The following SCHIP1 variants were observed in gnomAD, a reference collection of about 807,000 sequenced individuals.
SCHIP1 encodes schwannomin interacting protein 1, also known as schwannomin-interacting protein 1.
A neutral mutation model predicts 29.7 loss-of-function variants in SCHIP1; 8 were observed. The observed-to-expected ratio is 0.27, with a 90% CI of 0.16 to 0.49. SCHIP1 has a LOEUF of 0.49. Ranked by LOEUF, SCHIP1 falls within the 20% of genes least tolerant of loss-of-function variation. SCHIP1 has a pLI of 0.99. For synonymous variants in SCHIP1, 76 were observed against 94.9 expected, an observed-to-expected ratio of 0.80 and a Z score of 1.16; for missense variants, 193 against 294.6, an observed-to-expected ratio of 0.66 and a Z score of 2.52.
the SCHIP1 span, among the ~76,000 whole-genome samples, chr3:159,399,595 T>G: frequency 1.3e-5 from 2 of 152,132 alleles, no homozygotes; most frequent in Admixed American, 6.5e-5. Flanking sequence ...TCAATCACTC[T>G]CTCCCCTGCA....
At chr3:159,616,552 C>G in the SCHIP1 span, among the ~76,000 whole-genome samples, 1 of 152,160 alleles carries the variant, frequency 6.6e-6, no homozygotes, top group Admixed American at 6.5e-5. Flanking sequence ...TCTTTCAGGA[C>G]CTCCAGGACT....
chr3:159,385,849 C>T, the SCHIP1 span, among the ~76,000 whole-genome samples: 4 of 152,108 alleles, frequency 2.6e-5, no homozygotes, highest in Non-Finnish European at 5.9e-5. Context: ...TCCCCTAGCC[C>T]CCCATCCCCT....
chr3:159,621,650 G>A, the SCHIP1 span, among the ~76,000 whole-genome samples: 1 of 150,134 alleles, frequency 6.7e-6, no homozygotes, highest in Non-Finnish European at 1.5e-5. Flanking sequence ...TGGTTTTTTT[G>A]TTGTTGTTGT....
At chr3:159,708,519 TTCTC>T in the SCHIP1 span, among the ~76,000 whole-genome samples, 4 of 152,180 alleles carry the variant, frequency 2.6e-5, no homozygotes, top group African/African-American at 9.7e-5. Flanking sequence ...GAATGAAAGT[TTCTC>T]TCTCTTAAAA....
At chr3:159,380,886 T>C in the SCHIP1 span, among the ~76,000 whole-genome samples, 2 of 152,170 alleles carry the variant, frequency 1.3e-5, no homozygotes, top group South Asian at 2.1e-4. Context: ...TCTCAAGCAG[T>C]GGACCACGCT....
the SCHIP1 span, among the ~76,000 whole-genome samples, chr3:159,671,447 G>T: frequency 6.6e-6 from 1 of 152,024 alleles, no homozygotes; most frequent in Admixed American, 6.6e-5. Flanking sequence ...GCATCTCTCT[G>T]CCTCACTCCC....
the SCHIP1 span, among the ~76,000 whole-genome samples, chr3:159,563,047 A>G: frequency 6.6e-6 from 1 of 152,220 alleles, no homozygotes; most frequent in Non-Finnish European, 1.5e-5. Context: ...ACATCTTTAG[A>G]TATGTCTGTT....
At chr3:159,391,643 A>G in the SCHIP1 span, among the ~76,000 whole-genome samples, 42 of 152,212 alleles carry the variant, frequency 2.8e-4, no homozygotes, top group Non-Finnish European at 4.4e-4. Context: ...TATTGAATCA[A>G]TGAGCACATA....
the SCHIP1 span, among the ~76,000 whole-genome samples, chr3:159,611,377 T>C: frequency 6.6e-6 from 1 of 152,112 alleles, no homozygotes; most frequent in Non-Finnish European, 1.5e-5. Context: ...ATGTCCTTTG[T>C]AGGGACATGG....
chr3:159,713,248 GAA>G, the SCHIP1 span, among the ~76,000 whole-genome samples: 1 of 138,020 alleles, frequency 7.2e-6, no homozygotes, highest in Admixed American at 7.2e-5. Context: ...AAGAAAGAAA[GAA>G]AGAAAGAAAG....
At chr3:159,523,507 A>T in the SCHIP1 span, among the ~76,000 whole-genome samples, 3 of 152,226 alleles carry the variant, frequency 2.0e-5, no homozygotes, top group African/African-American at 7.2e-5. Context: ...TAAGTATCTG[A>T]TTAAAATAGG....
the SCHIP1 span, among the ~76,000 whole-genome samples, chr3:159,532,988 A>G: frequency 6.6e-6 from 1 of 152,220 alleles, no homozygotes; most frequent in Non-Finnish European, 1.5e-5. Context: ...AAAGTGTTAC[A>G]CCATATAAAA....
chr3:159,662,260 G>C, the SCHIP1 span, among the ~76,000 whole-genome samples: 2 of 152,192 alleles, frequency 1.3e-5, no homozygotes, highest in Non-Finnish European at 2.9e-5. Flanking sequence ...ACCTGTTTCT[G>C]CAATAAGAAC....
the SCHIP1 span, among the ~76,000 whole-genome samples, chr3:159,482,282 C>T: frequency 6.6e-6 from 1 of 152,090 alleles, no homozygotes; most frequent in Admixed American, 6.6e-5. Flanking sequence ...TAAAAGAAGA[C>T]ACCTATTTAT....
chr3:159,839,380 A>T (rs926013028), upstream of SCHIP1, among the ~76,000 whole-genome samples: 4 of 152,206 alleles, frequency 2.6e-5, no homozygotes, highest in African/African-American at 9.6e-5. Flanking sequence ...TCCCTAAAAA[A>T]ACTTATAACA....
the SCHIP1 span, among the ~76,000 whole-genome samples, chr3:159,505,378 G>A: frequency 6.6e-6 from 1 of 152,188 alleles, no homozygotes; most frequent in Admixed American, 6.5e-5. Context: ...GGAAAAGGAA[G>A]CATACTAGCC....
At chr3:159,618,645 C>A in the SCHIP1 span, among the ~76,000 whole-genome samples, 1 of 152,222 alleles carries the variant, frequency 6.6e-6, no homozygotes, top group Non-Finnish European at 1.5e-5. Flanking sequence ...TTCTTAGATG[C>A]AAAACGAAAC....
chr3:159,675,966 T>C, the SCHIP1 span, among the ~76,000 whole-genome samples: 4 of 151,926 alleles, frequency 2.6e-5, no homozygotes, highest in East Asian at 7.7e-4. Flanking sequence ...ACTCCGTCTC[T>C]ATTAAAAATA....
the SCHIP1 span, among the ~76,000 whole-genome samples, chr3:159,831,621 A>G: frequency 6.6e-6 from 1 of 152,196 alleles, no homozygotes; most frequent in Admixed American, 6.5e-5. Flanking sequence ...AGTAAGGGTT[A>G]CTTGAATACA....
Sources: allele counts gnomAD v4.1 joint callset (sites outside exome capture counted in the v4.1 genomes callset), GRCh38; gene constraint gnomAD v4.1.1; transcripts MANE v1.5; gene names NCBI Gene and HGNC (gene_info 2026-07-23, HGNC 2026-07-21).